SMIM36: variants seen among roughly 807,000 people sequenced by gnomAD.
SMIM36 encodes small integral membrane protein 36.
rs545803657 is a variant in SMIM36, at chr17:55,486,897, C to A, written c.*175-7317G>T. On this transcript the variant is annotated intron_variant, in intron 1 of 4. Coordinates refer to ENST00000636752, the Ensembl canonical transcript of SMIM36. ...TTCCTAAAAAGAAGATAATTTGCAA[C>A]CAATTTAAAGATCAATTGATGGATG... Among the ~76,000 whole-genome samples the A allele has an allele frequency of 9.5e-4, 144 of 152,218 alleles. 1 individual carries two copies. The highest frequency in any genetic ancestry group is 3.4e-3 in the African/African-American group (142 of 41,524).
At chr17:55,472,009 C>T (rs1426954724) in intron 3 of SMIM36, among the ~76,000 whole-genome samples, 2 of 152,236 alleles carry the variant, frequency 1.3e-5, no homozygotes, top group African/African-American at 4.8e-5. Flanking sequence ...ACTCCTCCAG[C>T]TCTATTCACT....
At chr17:55,526,306 GTTATTTAT>G in the SMIM36 span, among the ~76,000 whole-genome samples, 1 of 152,024 alleles carries the variant, frequency 6.6e-6, no homozygotes, top group South Asian at 2.1e-4. Context: ...ACCACATCTG[GTTATTTAT>G]TTATTTTTTA....
At chr17:55,514,229 G>GA (rs1910229128), upstream of SMIM36, among the ~76,000 whole-genome samples, 1 of 152,020 alleles carries the variant, frequency 6.6e-6, no homozygotes, top group Non-Finnish European at 1.5e-5. Flanking sequence ...GCTAAATAAA[G>GA]AAAAAAACTT....
At chr17:55,451,635 G>A (rs1421410911) in intron 4 of SMIM36, among the ~76,000 whole-genome samples, 3 of 152,184 alleles carry the variant, frequency 2.0e-5, no homozygotes, top group Non-Finnish European at 2.9e-5. Context: ...CTGGCACAGT[G>A]CCTGACAGTG....
At chr17:55,501,369 A>G (rs1245066398) in intron 1 of SMIM36, among the ~76,000 whole-genome samples, 113 of 82,928 alleles carry the variant, frequency 1.4e-3, no homozygotes, top group African/African-American at 4.2e-3. Context: ...TATATAATAT[A>G]TTATATATTA....
At chr17:55,524,867 A>G in the SMIM36 span, among the ~76,000 whole-genome samples, 6 of 152,196 alleles carry the variant, frequency 3.9e-5, no homozygotes, top group East Asian at 7.7e-4. Context: ...TTACATTGTC[A>G]TCATCATAAT....
At chr17:55,521,980 C>T in the SMIM36 span, among the ~76,000 whole-genome samples, 27 of 152,106 alleles carry the variant, frequency 1.8e-4, no homozygotes, top group Non-Finnish European at 3.4e-4. Flanking sequence ...CCTGAGTGAG[C>T]ATTTTAACAC....
intron 3 of SMIM36, among the ~76,000 whole-genome samples, chr17:55,467,853 G>A (rs11079175): frequency 7.9e-5 from 12 of 152,094 alleles, no homozygotes; most frequent in African/African-American, 2.9e-4. Flanking sequence ...GTGAAAATAG[G>A]CAGTTCCTGC....
chr17:55,504,302 C>CA (rs1910045974), intron 1 of SMIM36, among the ~76,000 whole-genome samples: 1 of 69,872 alleles, frequency 1.4e-5, no homozygotes, highest in African/African-American at 1.6e-4. Flanking sequence ...ACACCTATTC[C>CA]AAAATTGACC....
chr17:55,451,218 C>G (rs1908911076), intron 4 of SMIM36, among the ~76,000 whole-genome samples: 1 of 152,086 alleles, frequency 6.6e-6, no homozygotes, highest in East Asian at 1.9e-4. Context: ...AGACTAAGAC[C>G]CTAATTCCAG....
the SMIM36 span, among the ~76,000 whole-genome samples, chr17:55,524,669 C>T: frequency 6.6e-6 from 1 of 152,064 alleles, no homozygotes; most frequent in Non-Finnish European, 1.5e-5. Flanking sequence ...CTCTAGTTCA[C>T]TAAAAGTTTC....
upstream of SMIM36, among the ~76,000 whole-genome samples, chr17:55,515,440 C>A (rs1255944974): frequency 6.6e-6 from 1 of 152,132 alleles, no homozygotes; most frequent in Non-Finnish European, 1.5e-5. Flanking sequence ...TCCCCTCAAA[C>A]TCATCCACCT....
At chr17:55,513,408 A>C (rs777640379), upstream of SMIM36, among the ~76,000 whole-genome samples, 2 of 152,220 alleles carry the variant, frequency 1.3e-5, no homozygotes, top group Non-Finnish European at 2.9e-5. Flanking sequence ...TTGTGCTTGC[A>C]AGGACATAGC....
At chr17:55,491,674 T>A (rs1052591436) in intron 1 of SMIM36, among the ~76,000 whole-genome samples, 1 of 152,212 alleles carries the variant, frequency 6.6e-6, no homozygotes, top group African/African-American at 2.4e-5. Flanking sequence ...GCCTATTCCC[T>A]CTTTCTCCCC....
chr17:55,528,465 C>T, the SMIM36 span, among the ~76,000 whole-genome samples: 5 of 152,234 alleles, frequency 3.3e-5, no homozygotes, highest in African/African-American at 1.2e-4. Flanking sequence ...GATCCTCCAG[C>T]CCCAGCCTCC....
intron 3 of SMIM36, among the ~76,000 whole-genome samples, chr17:55,477,850 AC>A (rs904115239): frequency 2.3e-5 from 3 of 131,734 alleles, no homozygotes; most frequent in South Asian, 5.4e-4. Context: ...CGAACCTATT[AC>A]TTTTTTTTTT....
chr17:55,464,991 A>G (rs1909211098), intron 4 of SMIM36, among the ~76,000 whole-genome samples: 1 of 152,236 alleles, frequency 6.6e-6, no homozygotes. Context: ...AAATTGAAGC[A>G]TTTTAATTGA....
At chr17:55,475,820 C>T (rs769986636) in intron 3 of SMIM36, among the ~76,000 whole-genome samples, 1 of 151,782 alleles carries the variant, frequency 6.6e-6, no homozygotes, top group Non-Finnish European at 1.5e-5. Flanking sequence ...CATACAAAAC[C>T]GCATCCAGAC....
upstream of SMIM36, among the ~76,000 whole-genome samples, chr17:55,513,104 T>C (rs1910209690): frequency 6.6e-6 from 1 of 152,240 alleles, no homozygotes; most frequent in Admixed American, 6.5e-5. Context: ...TATTGGAATC[T>C]ATTGGGTCTC....
Sources: allele counts gnomAD v4.1 joint callset (sites outside exome capture counted in the v4.1 genomes callset), GRCh38; gene constraint gnomAD v4.1.1; transcripts MANE v1.5; gene names NCBI Gene and HGNC (gene_info 2026-07-23, HGNC 2026-07-21).